Variants in PATJ observed in about 807,000 individuals in gnomAD.
The protein encoded by PATJ is PATJ crumbs cell polarity complex component, also known as inaD-like protein.
In PATJ, 190 loss-of-function variants were observed where a neutral mutation model predicts 224.9. The observed-to-expected ratio is 0.84, with a 90% confidence interval of 0.75 to 0.95. The LOEUF is 0.95. Among genes scored for constraint, PATJ ranks in the 40% least tolerant of loss-of-function variants. PATJ has a pLI of 0.00. For missense variants in PATJ, 2,121 were observed against 2,270.3 expected (o/e 0.93, Z 1.34); for synonymous variants, 769 against 820.3 (o/e 0.94, Z 1.07).
intron 33 of PATJ, among the ~76,000 whole-genome samples, chr1:62,092,892 C>T (rs1461544317): frequency 4.6e-5 from 7 of 151,870 alleles, no homozygotes; most frequent in Admixed American, 1.3e-4. Context: ...CAGGCACGCG[C>T]GACCACACCC....
rs1332079768 is a variant in PATJ at position 62,117,124 on chromosome 1, T to C, written c.4804-8T>C. The stretch of plus-strand genomic sequence containing the variant: ...TTTTCATTTCTGTTCTTTTCTTGCC[T>C]TTCCAAGTGTGCACAGGGACTTGTG... On this transcript the variant is annotated splice_polypyrimidine_tract_variant and splice_region_variant and intron_variant, in intron 36 of 43. Coordinates refer to ENST00000642238, the MANE Select transcript of PATJ (RefSeq NM_001350145.3). 1.2e-6 allele frequency: 2 copies of C among 1,611,938 alleles called. No homozygotes were observed. Among genetic ancestry groups the C allele is most frequent in the South Asian group, 2.2e-5 (2 of 90,892 alleles).
intron 2 of PATJ, 44 bp from the exon 3 acceptor site, chr1:61,762,969 A>T: frequency 6.5e-7 from 1 of 1,544,096 alleles, no homozygotes; most frequent in South Asian, 1.2e-5. Flanking sequence ...ATGGAATCTC[A>T]AATGGGACTT....
At chr1:62,096,048 T>G (rs544297308) in intron 33 of PATJ, among the ~76,000 whole-genome samples, 16 of 152,172 alleles carry the variant, frequency 1.1e-4, no homozygotes, top group African/African-American at 3.9e-4. Flanking sequence ...CCCAGAACTA[T>G]GCTTGGGTGC....
chr1:61,762,089 A>T (rs1432275678), intron 1 of PATJ, among the ~76,000 whole-genome samples: 1 of 152,112 alleles, frequency 6.6e-6, no homozygotes, highest in Non-Finnish European at 1.5e-5. Context: ...TCTTTTTTGC[A>T]CCTGCTGTTT....
At chr1:61,868,349 T>C (rs998902617) in intron 20 of PATJ, among the ~76,000 whole-genome samples, 1 of 152,224 alleles carries the variant, frequency 6.6e-6, no homozygotes, top group Non-Finnish European at 1.5e-5. Context: ...TATTTTATTT[T>C]CTATCTCTAA....
chr1:61,805,679 TC>T (rs535867726), intron 13 of PATJ, among the ~76,000 whole-genome samples, 155 bp downstream of exon 13: 78 of 152,234 alleles, frequency 5.1e-4, no homozygotes, highest in African/African-American at 1.5e-3. Context: ...TCGATTTTTT[TC>T]CCCCCATCTT....
chr1:61,827,647 T>C (rs1024204684), intron 16 of PATJ, 64 bp downstream of exon 16: 2 of 1,467,124 alleles, frequency 1.4e-6, no homozygotes, highest in Non-Finnish European at 1.8e-6. Flanking sequence ...CCCCGAAGAC[T>C]GTGCTGCAAT....
At chr1:62,140,670 T>A (rs1209800770) in intron 41 of PATJ, among the ~76,000 whole-genome samples, 1 of 151,782 alleles carries the variant, frequency 6.6e-6, no homozygotes, top group African/African-American at 2.4e-5. Flanking sequence ...AAAATTGATT[T>A]TTACCCAAAT....
chr1:62,118,406 A>G (rs373597450), intron 37 of PATJ, among the ~76,000 whole-genome samples: 294 of 152,284 alleles, frequency 1.9e-3, no homozygotes, highest in African/African-American at 6.9e-3. Flanking sequence ...GAAGATTAGA[A>G]TGAAGCTACA....
intron 25 of PATJ, among the ~76,000 whole-genome samples, chr1:61,911,899 A>G (rs554705619): frequency 6.7e-6 from 1 of 149,668 alleles, no homozygotes; most frequent in East Asian, 2.0e-4. Flanking sequence ...GCCTCTTCAC[A>G]TAGCACTGTA....
At chr1:62,147,147 C>T (rs1668118170) in intron 41 of PATJ, among the ~76,000 whole-genome samples, 1 of 151,990 alleles carries the variant, frequency 6.6e-6, no homozygotes, top group Admixed American at 6.6e-5. Context: ...ACTTAGATGG[C>T]ATTTACATTC....
chr1:61,774,693 C>T (rs548133534), intron 6 of PATJ, among the ~76,000 whole-genome samples: 8 of 152,252 alleles, frequency 5.3e-5, no homozygotes, highest in South Asian at 2.1e-4. Flanking sequence ...CTAGCTTTGC[C>T]CTTATATTTT....
chr1:61,786,850 G>A (rs1648650188), intron 7 of PATJ, among the ~76,000 whole-genome samples: 1 of 152,084 alleles, frequency 6.6e-6, no homozygotes, highest in Non-Finnish European at 1.5e-5. Context: ...GCCGAGCGTG[G>A]TGGTGCGCGC....
chr1:62,137,578 G>A (rs1462301823), intron 41 of PATJ, among the ~76,000 whole-genome samples: 9 of 111,350 alleles, frequency 8.1e-5, no homozygotes, highest in Non-Finnish European at 9.4e-5. Flanking sequence ...GGGGGACAGA[G>A]GCCTGAGGGG....
chr1:61,807,170 CAAAA>C (rs1370688320), intron 13 of PATJ, among the ~76,000 whole-genome samples: 1 of 151,824 alleles, frequency 6.6e-6, no homozygotes, highest in Non-Finnish European at 1.5e-5. Context: ...CAAAACAAAA[CAAAA>C]AACAAAAAAA....
rs562955918 is a variant in PATJ at position 62,064,431 on chromosome 1, C to G, written c.4125+13373C>G. 2.6e-4 allele frequency among the ~76,000 whole-genome samples: 39 copies of G among 151,722 alleles called. No homozygotes were observed. In the South Asian group the frequency reaches 7.1e-3, roughly 28 times the overall value. The stretch of plus-strand genomic sequence containing the variant: ...GCAACCTCCACCTCCCAGGTTCAAG[C>G]GATTCTCTTGCCTCAGCCACCTGAG... On this transcript the variant is annotated intron_variant, in intron 31 of 43. Transcript: ENST00000642238.
intron 31 of PATJ, among the ~76,000 whole-genome samples, chr1:62,060,985 C>G (rs1655332158): frequency 6.6e-6 from 1 of 152,060 alleles, no homozygotes. Flanking sequence ...AGCCACCACG[C>G]CCAGCCATTC....
At chr1:62,016,740 A>T (rs1646791029) in intron 28 of PATJ, among the ~76,000 whole-genome samples, 1 of 152,238 alleles carries the variant, frequency 6.6e-6, no homozygotes, top group Non-Finnish European at 1.5e-5. Flanking sequence ...GATGGCGTTC[A>T]GTAAAATCTT....
chr1:62,112,106 G>A (rs78754056), intron 34 of PATJ, among the ~76,000 whole-genome samples: 2,652 of 152,234 alleles, frequency 0.017, 86 homozygotes, highest in African/African-American at 0.06. Context: ...GTTTTAAATG[G>A]CAGTTCAAAA....
Sources: allele counts gnomAD v4.1 joint callset (sites outside exome capture counted in the v4.1 genomes callset), GRCh38; gene constraint gnomAD v4.1.1; transcripts MANE v1.5; gene names NCBI Gene and HGNC (gene_info 2026-07-23, HGNC 2026-07-21).